Variants in GALC observed in about 807,000 individuals in gnomAD.
GALC encodes galactocerebrosidase.
GALC carries 77 observed loss-of-function variants against 91.8 expected under a neutral mutation model. The ratio of observed to expected loss-of-function variants is 0.84; its 90% CI spans 0.70 to 1.01. GALC has a LOEUF of 1.01. Ranked by LOEUF, GALC falls within the 50% of genes least tolerant of loss-of-function variation. The pLI is 0.00. For missense variants in GALC, 882 were observed against 855.9 expected, an observed-to-expected ratio of 1.03 and a Z score of -0.38; for synonymous variants, 357 against 306.7, an observed-to-expected ratio of 1.16 and a Z score of -1.71.
At chr14:87,975,156 A>C (rs568814949) in intron 7 of GALC, among the ~76,000 whole-genome samples, 6 of 152,190 alleles carry the variant, frequency 3.9e-5, no homozygotes, top group Admixed American at 3.9e-4. Flanking sequence ...TAAACTACCA[A>C]TTTCAAAAAC....
chr14:87,941,897 TTAAAAAG>T (rs1217843909), intron 14 of GALC, among the ~76,000 whole-genome samples: 5 of 151,964 alleles, frequency 3.3e-5, no homozygotes, highest in Non-Finnish European at 7.4e-5. Context: ...TATGAACACA[TTAAAAAG>T]TAAAAAGTTC....
chr14:87,967,896 A>T, intron 8 of GALC, among the ~76,000 whole-genome samples: 1 of 152,294 alleles, frequency 6.6e-6, no homozygotes, highest in African/African-American at 2.4e-5. Context: ...TTGGGAAACA[A>T]TTAGGAAAAT....
intron 8 of GALC, among the ~76,000 whole-genome samples, chr14:87,966,502 T>TA (rs144700146): frequency 1.3e-5 from 2 of 151,774 alleles, no homozygotes; most frequent in Non-Finnish European, 2.9e-5. Context: ...TCATCCAGTA[T>TA]AAAAAAAAGA....
At chr14:87,985,662 A>G (rs1886938105) in intron 4 of GALC, among the ~76,000 whole-genome samples, 1 of 152,224 alleles carries the variant, frequency 6.6e-6, no homozygotes, top group African/African-American at 2.4e-5. Flanking sequence ...ATTATTTTTT[A>G]AATAACTAGA....
chr14:87,968,738 G>A (rs1277263832), intron 7 of GALC, among the ~76,000 whole-genome samples: 1 of 152,132 alleles, frequency 6.6e-6, no homozygotes, highest in Non-Finnish European at 1.5e-5. Flanking sequence ...AGGATAGGAA[G>A]GAAAATCATC....
chr14:87,967,095 C>T (rs115376746), intron 8 of GALC, among the ~76,000 whole-genome samples: 2 of 151,988 alleles, frequency 1.3e-5, no homozygotes, highest in East Asian at 1.9e-4. Context: ...GGAAATGGTG[C>T]TTTATGTAAC....
Position 87,934,408 on chromosome 14 carries a change from T to A in GALC, c.*324A>T. ...TCTACAGGACCGCTTGCAAATAAGA[T>A]GAAGAGAGCTACCTCAGTGTTAGCA... On this transcript the variant is annotated 3_prime_UTR_variant, in exon 17 of 17. Coordinates refer to ENST00000261304, the MANE Select transcript of GALC (RefSeq NM_000153.4). The A allele has an allele frequency of 7.8e-7, 1 of 1,280,072 alleles. No homozygotes were observed. The highest frequency in any genetic ancestry group is 1.7e-5 in the South Asian group (1 of 59,790). 79.3% of individuals were successfully genotyped at this position (1,280,072 alleles called of 1,614,324 possible).
At position 87,947,784 on chromosome 14, in the gene GALC, G is replaced by C; in HGVS notation, c.1433C>G (p.Pro478Arg). 2 of 1,612,884 alleles carry C rather than the reference G, an allele frequency of 1.2e-6. No individual in the cohort carries two copies. The highest frequency in any genetic ancestry group is 1.7e-6 in the Non-Finnish European group (2 of 1,179,212). ...TLTTGRKGSY[P>R]LPPKSQPFPS... The stretch of plus-strand genomic sequence containing the variant: ...GAAGGGCTGGGATTTTGGAGGAAGC[G>C]GGTAGCTGCCTTTGCGACCAGTGGT... The change falls in exon 13 of 17, where the codon CCG becomes CGG. Residue 478 changes from proline to arginine, a missense_variant. By Grantham distance (103) the Pro-to-Arg change is moderately radical (BLOSUM62 -2). Coordinates refer to ENST00000261304, the MANE Select transcript of GALC (RefSeq NM_000153.4).
chr14:87,954,425 T>C, intron 10 of GALC: 1 of 1,592,392 alleles, frequency 6.3e-7, no homozygotes, highest in East Asian at 2.2e-5. Flanking sequence ...AGCAGCCTGG[T>C]ACCCTCAACT....
At chr14:87,951,867 A>AG (rs1244783625) in intron 10 of GALC, among the ~76,000 whole-genome samples, 1 of 151,888 alleles carries the variant, frequency 6.6e-6, no homozygotes, top group Non-Finnish European at 1.5e-5. Flanking sequence ...CTAAATACCT[A>AG]GATTAGAAAC....
intron 10 of GALC, among the ~76,000 whole-genome samples, chr14:87,958,129 C>T (rs1367812258): frequency 8.3e-6 from 1 of 119,810 alleles, no homozygotes. Context: ...CTATAGTAAC[C>T]AAAACAGCAT....
chr14:87,993,508 G>A (rs1275821154), upstream of GALC: 4 of 1,525,642 alleles, frequency 2.6e-6, no homozygotes, highest in Non-Finnish European at 3.5e-6. Context: ...ATCTCAGGGA[G>A]TATCTACCTC....
intron 1 of GALC, chr14:87,992,707 A>T: frequency 7.0e-7 from 1 of 1,429,822 alleles, no homozygotes. Context: ...CTGTCACTTT[A>T]CTCTCTGCAC....
At chr14:87,962,089 G>A (rs1426702870) in intron 10 of GALC, among the ~76,000 whole-genome samples, 2 of 152,128 alleles carry the variant, frequency 1.3e-5, no homozygotes, top group South Asian at 4.1e-4. Context: ...GGATGTGTGA[G>A]CTGTCAGTTT....
At chr14:87,951,767 T>C (rs1018440878) in intron 10 of GALC, among the ~76,000 whole-genome samples, 6 of 152,032 alleles carry the variant, frequency 3.9e-5, no homozygotes, top group African/African-American at 1.4e-4. Context: ...AAAGAGAAAT[T>C]AGAATTTTCA....
At chr14:87,985,081 C>CT (rs1448780680) in intron 4 of GALC, among the ~76,000 whole-genome samples, 2 of 152,094 alleles carry the variant, frequency 1.3e-5, no homozygotes, top group Admixed American at 1.3e-4. Context: ...GACAATGACT[C>CT]CATAGAGAAA....
chr14:87,962,724 T>C (rs1885860815), intron 10 of GALC, among the ~76,000 whole-genome samples: 1 of 152,094 alleles, frequency 6.6e-6, no homozygotes, highest in Admixed American at 6.6e-5. Context: ...GCTGACTATA[T>C]GCACTTCCTA....
chr14:87,987,023 T>C (rs1887003892), intron 3 of GALC: 2 of 455,536 alleles, frequency 4.4e-6, no homozygotes, highest in Admixed American at 2.4e-5. Context: ...GTGAGCCCTG[T>C]TCTCAGAACC....
intron 13 of GALC, among the ~76,000 whole-genome samples, chr14:87,946,687 A>C (rs1885084560): frequency 6.6e-6 from 1 of 151,956 alleles, no homozygotes. Context: ...GGCAAAAGTC[A>C]CTTTTGCTAA....
Sources: allele counts gnomAD v4.1 joint callset (sites outside exome capture counted in the v4.1 genomes callset), GRCh38; gene constraint gnomAD v4.1.1; transcripts MANE v1.5; gene names NCBI Gene and HGNC (gene_info 2026-07-23, HGNC 2026-07-21).